Variants in DPYD observed in about 807,000 individuals in gnomAD.
The protein encoded by DPYD is dihydropyrimidine dehydrogenase, also known as dihydropyrimidine dehydrogenase [NADP(+)].
A neutral mutation model predicts 116.2 loss-of-function variants in DPYD; 109 were observed. That is an observed-to-expected ratio of 0.94 (90% CI 0.80 to 1.10). The LOEUF is 1.10. Ranked by LOEUF, DPYD falls within the 50% of genes least tolerant of loss-of-function variation. The pLI, the probability that DPYD is intolerant of heterozygous loss-of-function variation, is 0.00. For missense variants in DPYD, 1,302 were observed against 1,254.5 expected (o/e 1.04, Z -0.57); for synonymous variants, 440 against 432.0 (o/e 1.02, Z -0.23).
intron 14 of DPYD, among the ~76,000 whole-genome samples, chr1:97,422,755 T>C (rs1674657855): frequency 6.6e-6 from 1 of 152,102 alleles, no homozygotes; most frequent in African/African-American, 2.4e-5. Flanking sequence ...ACTTCAAGCT[T>C]GTGATCCAGT....
intron 1 of DPYD, among the ~76,000 whole-genome samples, chr1:97,898,339 A>C (rs1473559541): frequency 6.6e-6 from 1 of 151,774 alleles, no homozygotes. Flanking sequence ...GTTCTGTTCT[A>C]CAAACTCTAG....
intron 14 of DPYD, among the ~76,000 whole-genome samples, chr1:97,445,241 T>A (rs1676011825): frequency 6.6e-6 from 1 of 152,216 alleles, no homozygotes; most frequent in African/African-American, 2.4e-5. Context: ...CTACAAACCA[T>A]CGACTGGTTC....
intron 8 of DPYD, among the ~76,000 whole-genome samples, chr1:97,664,385 A>ATG (rs1340492210): frequency 6.6e-6 from 1 of 151,994 alleles, no homozygotes; most frequent in Middle Eastern, 3.4e-3. Context: ...AAACATATAT[A>ATG]TGTGTGTGTG....
At chr1:97,417,540 T>G (rs921958855) in intron 14 of DPYD, among the ~76,000 whole-genome samples, 4 of 152,212 alleles carry the variant, frequency 2.6e-5, no homozygotes, top group Non-Finnish European at 5.9e-5. Context: ...GCTGAAAGAT[T>G]GAAGGAAATG....
At chr1:97,188,352 T>C (rs1265602632) in intron 20 of DPYD, among the ~76,000 whole-genome samples, 1 of 152,200 alleles carries the variant, frequency 6.6e-6, no homozygotes, top group Non-Finnish European at 1.5e-5. Context: ...GCTGCTGTTC[T>C]TAAAAGGATC....
chr1:97,090,239 A>G (rs1157161405), intron 21 of DPYD, among the ~76,000 whole-genome samples: 1 of 152,002 alleles, frequency 6.6e-6, no homozygotes, highest in Non-Finnish European at 1.5e-5. Context: ...TTGAAATGCC[A>G]CCTTCCTTTT....
chr1:97,569,447 T>C (rs555506766), intron 11 of DPYD, among the ~76,000 whole-genome samples: 2 of 141,432 alleles, frequency 1.4e-5, no homozygotes, highest in East Asian at 3.9e-4. Flanking sequence ...ATTATATTTA[T>C]ATTATACATA....
chr1:97,640,306 T>G (rs1301529637), intron 8 of DPYD, among the ~76,000 whole-genome samples: 2 of 152,032 alleles, frequency 1.3e-5, no homozygotes, highest in African/African-American at 2.4e-5. Flanking sequence ...TCTTTTATTT[T>G]CTTTTATTTT....
At chr1:97,088,780 TC>T (rs1649699623) in intron 21 of DPYD, among the ~76,000 whole-genome samples, 2 of 152,128 alleles carry the variant, frequency 1.3e-5, no homozygotes, top group Admixed American at 1.3e-4. Flanking sequence ...TTTCTACAAA[TC>T]CCCATAAGAC....
At chr1:97,854,901 C>G (rs1166216613) in intron 2 of DPYD, 1 of 152,266 alleles carries the variant, frequency 6.6e-6, no homozygotes, top group Non-Finnish European at 1.5e-5. Context: ...CTAGGAGATG[C>G]AAATCCAACG....
chr1:97,378,996 T>C (rs893323555), intron 15 of DPYD, among the ~76,000 whole-genome samples: 1 of 152,190 alleles, frequency 6.6e-6, no homozygotes, highest in Non-Finnish European at 1.5e-5. Flanking sequence ...CAGAGTTAGG[T>C]ACAGGGACTT....
intron 8 of DPYD, among the ~76,000 whole-genome samples, chr1:97,665,144 TAAC>T (rs1659488629): frequency 6.6e-6 from 1 of 152,032 alleles, no homozygotes; most frequent in African/African-American, 2.4e-5. Flanking sequence ...GGCACAAACA[TAAC>T]ATTGATTCAA....
chr1:97,215,123 AG>A (rs1660290473), intron 19 of DPYD, among the ~76,000 whole-genome samples: 6 of 152,312 alleles, frequency 3.9e-5, no homozygotes, highest in Admixed American at 3.9e-4. Context: ...ATACTGTATG[AG>A]GTGCTTTGCA....
chr1:97,260,461 T>G (rs1663803109), intron 18 of DPYD, among the ~76,000 whole-genome samples: 1 of 152,050 alleles, frequency 6.6e-6, no homozygotes, highest in African/African-American at 2.4e-5. Flanking sequence ...GTGATGGCTG[T>G]AGGTCATTTA....
At chr1:97,383,857 C>T (rs1254794038) in intron 14 of DPYD, among the ~76,000 whole-genome samples, 2 of 152,128 alleles carry the variant, frequency 1.3e-5, no homozygotes, top group Non-Finnish European at 2.9e-5. Flanking sequence ...CCTGTAATCC[C>T]AGCACTTTGG....
At chr1:97,548,839 G>GCA (rs1173744741) in intron 12 of DPYD, among the ~76,000 whole-genome samples, 2 of 151,954 alleles carry the variant, frequency 1.3e-5, no homozygotes, top group Non-Finnish European at 2.9e-5. Flanking sequence ...ATAGAATTTG[G>GCA]AAAACAGACA....
intron 3 of DPYD, among the ~76,000 whole-genome samples, chr1:97,762,344 AT>A (rs1665618983): frequency 1.3e-5 from 2 of 152,102 alleles, no homozygotes; most frequent in African/African-American, 2.4e-5. Flanking sequence ...TTTAGATATT[AT>A]TGTACAGATA....
At chr1:97,318,176 C>T (rs566375681) in intron 16 of DPYD, among the ~76,000 whole-genome samples, 10 of 145,428 alleles carry the variant, frequency 6.9e-5, no homozygotes, top group African/African-American at 2.3e-4. Flanking sequence ...CATCAACTAA[C>T]GAGCAAAATC....
At chr1:97,281,145 G>C (rs1665296516) in intron 18 of DPYD, among the ~76,000 whole-genome samples, 1 of 151,928 alleles carries the variant, frequency 6.6e-6, no homozygotes, top group Admixed American at 6.6e-5. Flanking sequence ...AAAAGAGAAA[G>C]CAAAATTCAA....
Sources: allele counts gnomAD v4.1 joint callset (sites outside exome capture counted in the v4.1 genomes callset), GRCh38; gene constraint gnomAD v4.1.1; transcripts MANE v1.5; gene names NCBI Gene and HGNC (gene_info 2026-07-23, HGNC 2026-07-21).